AKAP6: variants seen among roughly 807,000 people sequenced by gnomAD.
The protein encoded by AKAP6 is A-kinase anchoring protein 6.
In AKAP6, 58 loss-of-function variants were observed where a neutral mutation model predicts 188.5. The ratio of observed to expected loss-of-function variants is 0.31; its 90% confidence interval spans 0.25 to 0.38. The LOEUF is 0.38. AKAP6 is among the 10% of genes least tolerant of loss of function. The pLI is 1.00. For synonymous variants in AKAP6, 989 were observed against 998.6 expected, an observed-to-expected ratio of 0.99 and a Z score of 0.18; for missense variants, 2,710 against 2,740.0, an observed-to-expected ratio of 0.99 and a Z score of 0.24.
chr14:32,828,973 G>A lies in AKAP6; in HGVS notation c.*43-875G>A, dbSNP rs550045254. Among the ~76,000 whole-genome samples the A allele has an allele frequency of 1.1e-4, 17 of 152,276 alleles. No homozygotes were observed. In the South Asian group the frequency reaches 3.5e-3, roughly 32 times the overall value. On this transcript the variant is annotated intron_variant, in intron 13 of 13. Coordinates refer to ENST00000280979, the MANE Select transcript of AKAP6 (RefSeq NM_004274.5). ...CAAGACAAAGAGCATATTCGTTCTT[G>A]AAGGACAGTAAAACAACCTGATATG...
At chr14:32,732,749 A>G (rs1353628709) in intron 10 of AKAP6, 149 bp downstream of exon 10, 4 of 891,012 alleles carry the variant, frequency 4.5e-6, no homozygotes, top group Non-Finnish European at 6.9e-6. Context: ...CTATTATGGG[A>G]AAGACACTGC....
intron 4 of AKAP6, among the ~76,000 whole-genome samples, chr14:32,547,981 C>T (rs1044269515): frequency 1.3e-5 from 2 of 152,100 alleles, no homozygotes; most frequent in African/African-American, 4.8e-5. Context: ...GGAAGTAGAT[C>T]CAGCTGACTT....
chr14:32,549,932 C>T (rs1033136662), intron 4 of AKAP6, among the ~76,000 whole-genome samples: 2 of 152,168 alleles, frequency 1.3e-5, no homozygotes, highest in African/African-American at 4.8e-5. Context: ...AGGTGTTGGC[C>T]TGTGGCAGCC....
intron 2 of AKAP6, among the ~76,000 whole-genome samples, chr14:32,507,014 A>G (rs1222821709): frequency 6.6e-6 from 1 of 152,216 alleles, no homozygotes; most frequent in South Asian, 2.1e-4. Flanking sequence ...GGAAGGAGAC[A>G]CTGGTGACTA....
chr14:32,367,897 T>C (rs941875108), intron 1 of AKAP6, among the ~76,000 whole-genome samples: 2 of 152,238 alleles, frequency 1.3e-5, no homozygotes, highest in Non-Finnish European at 2.9e-5. Context: ...ACTCACAGTT[T>C]GGCCTATTAT....
rs572044126 is a variant in AKAP6 at position 32,620,088 on chromosome 14, C to A, written c.2730+19296C>A. ...AAATCTAAGAGTCTTTTGGAGGATT[C>A]TTTATGATCAAAACGTTGGCAAACT... On this transcript the variant is annotated intron_variant, in intron 7 of 13. Transcript: ENST00000280979. Among the ~76,000 whole-genome samples, 26 of 151,732 alleles carry A rather than the reference C, an allele frequency of 1.7e-4. No homozygotes were observed. The South Asian group carries it at 5.4e-3, about 32-fold the overall frequency.
intron 12 of AKAP6, among the ~76,000 whole-genome samples, chr14:32,817,975 C>T (rs550752113): frequency 1.3e-5 from 2 of 152,222 alleles, no homozygotes; most frequent in South Asian, 4.2e-4. Context: ...AAACTTTTCC[C>T]ACTTTCTTGC....
intron 12 of AKAP6, among the ~76,000 whole-genome samples, chr14:32,787,060 C>G (rs529036541): frequency 1.4e-4 from 22 of 152,292 alleles, no homozygotes; most frequent in Admixed American, 3.3e-4. Context: ...GGGTAAAACA[C>G]CCAAAGGATT....
intron 2 of AKAP6, among the ~76,000 whole-genome samples, chr14:32,496,452 G>C (rs557454817): frequency 4.6e-5 from 7 of 152,032 alleles, no homozygotes; most frequent in African/African-American, 1.7e-4. Flanking sequence ...TGAAGCCCTT[G>C]GGGGTCCTTA....
intron 12 of AKAP6, among the ~76,000 whole-genome samples, chr14:32,782,536 A>T (rs1306279462): frequency 6.6e-6 from 1 of 152,160 alleles, no homozygotes; most frequent in Non-Finnish European, 1.5e-5. Context: ...ATACTAGAAC[A>T]AATAAGGGAA....
At chr14:32,394,975 C>T (rs1308535449) in intron 1 of AKAP6, among the ~76,000 whole-genome samples, 1 of 152,098 alleles carries the variant, frequency 6.6e-6, no homozygotes, top group African/African-American at 2.4e-5. Context: ...ATTTCAGGGC[C>T]ACCTTGGTTT....
chr14:32,760,769 G>C (rs1041835735), intron 11 of AKAP6, among the ~76,000 whole-genome samples: 2 of 152,160 alleles, frequency 1.3e-5, no homozygotes, highest in African/African-American at 2.4e-5. Context: ...CTATAAGAGT[G>C]TTTGATGAAT....
intron 1 of AKAP6, among the ~76,000 whole-genome samples, chr14:32,336,311 C>T (rs536814331): frequency 2.0e-5 from 3 of 152,058 alleles, no homozygotes; most frequent in East Asian, 3.9e-4. Flanking sequence ...GAGTCTTCTT[C>T]AAGGATCAAG....
chr14:32,743,449 C>T (rs1400192958), intron 11 of AKAP6, among the ~76,000 whole-genome samples: 1 of 152,008 alleles, frequency 6.6e-6, no homozygotes, highest in Non-Finnish European at 1.5e-5. Context: ...CTTTCTCATT[C>T]TTTCCTTCCT....
rs371209179 is a variant in AKAP6, at chr14:32,433,569, A to G, written c.76A>G (p.Met26Val). The change falls in exon 2 of 14, where the codon ATG (methionine) becomes GTG (valine). Residue 26 changes from methionine to valine, a missense_variant. Physicochemically the swap from Met to Val is conservative, Grantham distance 21 (BLOSUM62 1). This residue lies in a region of AKAP6 where 237 missense variants were observed against 313.9 expected (regional missense o/e 0.76). Coordinates refer to ENST00000280979, the MANE Select transcript of AKAP6 (RefSeq NM_004274.5). ...TCCCATGGCTACTGATGCTTCACCCATGGCCATCAACATGACACCCACTGT... is the reference window on the plus strand; with the variant it reads ...TCCCATGGCTACTGATGCTTCACCCGTGGCCATCAACATGACACCCACTGT... ...LDPMATDASP[M>V]AINMTPTVEQ... 6.2e-6 allele frequency: 10 copies of G among 1,613,980 alleles called. No homozygotes were observed. The highest frequency in any genetic ancestry group is 5.3e-5 in the African/African-American group (4 of 74,882).
chr14:32,614,316 C>T (rs1253554149), intron 7 of AKAP6, among the ~76,000 whole-genome samples: 1 of 152,170 alleles, frequency 6.6e-6, no homozygotes, highest in African/African-American at 2.4e-5. Flanking sequence ...TGACTATGCT[C>T]CATTGGCTAA....
intron 11 of AKAP6, among the ~76,000 whole-genome samples, chr14:32,766,290 G>A (rs949017096): frequency 3.3e-5 from 5 of 151,558 alleles, no homozygotes; most frequent in Admixed American, 1.3e-4. Context: ...TCCACTTTTT[G>A]GCTTTATGAA....
intron 11 of AKAP6, among the ~76,000 whole-genome samples, chr14:32,747,434 A>T (rs2031958660): frequency 6.6e-6 from 1 of 152,230 alleles, no homozygotes; most frequent in Non-Finnish European, 1.5e-5. Flanking sequence ...CAAATTCAAT[A>T]GACATCAAAC....
At chr14:32,612,500 T>C (rs1375559258) in intron 7 of AKAP6, among the ~76,000 whole-genome samples, 2 of 152,150 alleles carry the variant, frequency 1.3e-5, no homozygotes, top group Non-Finnish European at 2.9e-5. Context: ...CATCTTAACA[T>C]CTGTTCTTCC....
Sources: gnomAD v4.1 joint callset for allele counts (sites outside exome capture counted in the v4.1 genomes callset) on GRCh38, gnomAD v4.1.1 for gene constraint, gnomAD v4.1.1 regional missense constraint, MANE v1.5 for transcripts, NCBI Gene and HGNC (gene_info 2026-07-23, HGNC 2026-07-21) for gene names.